CYB5A: variants seen among roughly 807,000 people sequenced by gnomAD.
CYB5A encodes the protein cytochrome b5.
Under a neutral mutation model 16.2 loss-of-function variants are expected in CYB5A, and 10 were observed. The observed-to-expected ratio is 0.62, with a 90% CI of 0.38 to 1.04. The LOEUF is 1.04. Ranked by LOEUF, CYB5A falls within the 50% of genes least tolerant of loss-of-function variation. The pLI is 0.01. For missense variants in CYB5A, 161 were observed against 165.9 expected, an observed-to-expected ratio of 0.97 and a Z score of 0.16; for synonymous variants, 62 against 57.0, an observed-to-expected ratio of 1.09 and a Z score of -0.40.
intron 1 of CYB5A, among the ~76,000 whole-genome samples, chr18:74,283,441 C>T (rs1160854059): frequency 1.3e-5 from 2 of 152,204 alleles, no homozygotes; most frequent in Non-Finnish European, 2.9e-5. Flanking sequence ...GAAGACTCCA[C>T]CCCGACTCCC....
At position 74,253,326 on chromosome 18, in the gene CYB5A, A is replaced by T. The variant is rs74443921; in HGVS notation, c.*258T>A. The T allele has an allele frequency of 1.3e-3, 522 of 395,198 alleles. 3 individuals carry two copies. The highest frequency in any genetic ancestry group is 9.7e-3 in the African/African-American group (471 of 48,424). The allele number at this position is 395,198 out of a possible 1,614,324, so 24.5% of individuals were successfully genotyped here. On this transcript the variant is annotated 3_prime_UTR_variant, in exon 5 of 5. Coordinates refer to ENST00000340533, the MANE Select transcript of CYB5A (RefSeq NM_148923.4). The stretch of plus-strand genomic sequence containing the variant: ...TAAAAGCCAAATATATTTTTAAAAG[A>T]TCATGCTTATAATAAGTAAATTACA...
In CYB5A at chr18:74,260,857, T is replaced by G. The variant is rs374762410; in HGVS notation, c.288+58A>C. On this transcript the variant is annotated intron_variant, in intron 3 of 4. Transcript: ENST00000340533. ...TAAATAAAAACCCTCTGCCTTCAGT[T>G]TGACAAGTATTAAATACAACGAGAA... The G allele has an allele frequency of 3.2e-4, 467 of 1,468,734 alleles. 1 individual carries two copies. Among genetic ancestry groups the G allele is most frequent in the Non-Finnish European group, 4.3e-4 (446 of 1,047,840 alleles). 91.0% of individuals were successfully genotyped at this position (1,468,734 alleles called of 1,614,324 possible). A position where few individuals can be genotyped will look rare whatever the true frequency, so the allele number is the denominator to read the frequency against.
chr18:74,260,722 C>T (rs200918657), intron 3 of CYB5A, 193 bp downstream of exon 3: 11 of 658,402 alleles, frequency 1.7e-5, no homozygotes, highest in South Asian at 4.5e-5. Context: ...ATTACACACA[C>T]GCCATCCTAA....
chr18:74,264,067 C>T (rs1454509819), intron 1 of CYB5A, among the ~76,000 whole-genome samples: 1 of 152,014 alleles, frequency 6.6e-6, no homozygotes, highest in Non-Finnish European at 1.5e-5. Flanking sequence ...AAAAATTAGC[C>T]AGCCGTGGTG....
At chr18:74,261,170 A>G (rs1982184459) in intron 2 of CYB5A, 1 of 500,508 alleles carries the variant, frequency 2.0e-6, no homozygotes, top group Non-Finnish European at 3.7e-6. Flanking sequence ...AAAGTTTCGA[A>G]CAGCACCCAT....
chr18:74,282,218 A>G (rs1983138735), intron 1 of CYB5A, among the ~76,000 whole-genome samples: 1 of 152,198 alleles, frequency 6.6e-6, no homozygotes, highest in African/African-American at 2.4e-5. Flanking sequence ...AGGCCTACAG[A>G]GTAAGAAGAG....
intron 1 of CYB5A, among the ~76,000 whole-genome samples, chr18:74,289,258 G>C (rs1202350107): frequency 6.6e-6 from 1 of 152,072 alleles, no homozygotes; most frequent in Non-Finnish European, 1.5e-5. Flanking sequence ...AGTTTTTCTC[G>C]GAAAATTTTT....
At chr18:74,291,602 G>A in intron 1 of CYB5A, 145 bp downstream of exon 1, 1 of 1,265,966 alleles carries the variant, frequency 7.9e-7, no homozygotes, top group Non-Finnish European at 1.1e-6. Context: ...AGCGCGCCCA[G>A]GCGTACACGC....
At chr18:74,254,037 C>T (rs72980420) in intron 4 of CYB5A, among the ~76,000 whole-genome samples, 22,228 of 152,060 alleles carry the variant, frequency 0.15, 1,707 homozygotes, top group Admixed American at 0.21. Flanking sequence ...AGTAGCTGGG[C>T]GTGGTGGCAG....
At chr18:74,257,429 G>C (rs933440495) in intron 3 of CYB5A, 1 of 155,882 alleles carries the variant, frequency 6.4e-6, no homozygotes, top group African/African-American at 2.4e-5. Context: ...TTACCACTTT[G>C]CACTTTGATG....
chr18:74,255,744 G>C lies in CYB5A; in HGVS notation c.320C>G (p.Ser107Cys). 1 of 1,612,526 alleles carries C rather than the reference G, an allele frequency of 6.2e-7. No individual in the cohort carries two copies. Among genetic ancestry groups the C allele is most frequent in the South Asian group, 1.1e-5 (1 of 91,020 alleles). ...TTAAAAGAAAGCTACCACATACCTG[G>C]AACTAGAATCAATAGTAGTGATAAG... ...ETLITTIDSS[S>C]SWWTNWVIPA... The change falls in exon 4 of 5, where the codon TCC becomes TGC. Residue 107 changes from serine to cysteine, a missense_variant. By Grantham distance (112) the Ser-to-Cys change is moderately radical (BLOSUM62 -1). Coordinates refer to ENST00000340533, the MANE Select transcript of CYB5A (RefSeq NM_148923.4).
intron 1 of CYB5A, among the ~76,000 whole-genome samples, chr18:74,275,381 T>C (rs556834667): frequency 6.6e-6 from 1 of 152,290 alleles, no homozygotes; most frequent in African/African-American, 2.4e-5. Flanking sequence ...CTCTGTGCCC[T>C]GTCTTCCTTC....
At position 74,253,078 on chromosome 18, in the gene CYB5A, TA is replaced by T. The variant is rs891218368; in HGVS notation, c.*505del. ...TTAAACTATAATTTCTGGCCTTTCT[TA>T]ATTTCCTTGAAAAAAAGAAACTATA... is the stretch of plus-strand genomic sequence containing the variant. On this transcript the variant is annotated 3_prime_UTR_variant, in exon 5 of 5. Transcript: ENST00000340533. The T allele has an allele frequency of 6.3e-6, 1 of 158,102 alleles. No homozygotes were observed. The highest frequency in any genetic ancestry group is 6.1e-5 in the Admixed American group (1 of 16,268). 9.8% of individuals were successfully genotyped at this position (158,102 alleles called of 1,614,324 possible). A position where few individuals can be genotyped will look rare whatever the true frequency, so the allele number is the denominator to read the frequency against.
chr18:74,278,043 T>A (rs1321527353), intron 1 of CYB5A, among the ~76,000 whole-genome samples: 1 of 152,226 alleles, frequency 6.6e-6, no homozygotes, highest in African/African-American at 2.4e-5. Flanking sequence ...GGGTAACATC[T>A]AATAAATGCT....
chr18:74,282,289 G>A (rs1388366048), intron 1 of CYB5A, among the ~76,000 whole-genome samples: 1 of 152,208 alleles, frequency 6.6e-6, no homozygotes, highest in African/African-American at 2.4e-5. Flanking sequence ...CACAGAGCAG[G>A]GACTTGTGTC....
At chr18:74,291,672 AAGAC>A in intron 1 of CYB5A, 71 bp downstream of exon 1, 1 of 1,606,316 alleles carries the variant, frequency 6.2e-7, no homozygotes, top group Non-Finnish European at 8.5e-7. Flanking sequence ...CGGGCCGCGA[AAGAC>A]AGGTCATGCC....
intron 1 of CYB5A, among the ~76,000 whole-genome samples, chr18:74,266,126 C>G (rs1982423529): frequency 2.6e-5 from 4 of 152,238 alleles, no homozygotes; most frequent in Non-Finnish European, 5.9e-5. Flanking sequence ...GTTAGATGTG[C>G]AGACAACAGA....
intron 1 of CYB5A, among the ~76,000 whole-genome samples, chr18:74,275,657 C>T (rs964893374): frequency 4.6e-5 from 7 of 152,202 alleles, no homozygotes; most frequent in Admixed American, 2.6e-4. Context: ...ATACACAGTC[C>T]GAGCCTCGAG....
intron 4 of CYB5A, 46 bp downstream of exon 4, chr18:74,255,695 T>G (rs1378620027): frequency 5.8e-6 from 9 of 1,546,476 alleles, no homozygotes; most frequent in South Asian, 1.1e-5. Context: ...CCTGGACCCA[T>G]GAGCCCTCCC....
Sources: gnomAD v4.1 joint callset for allele counts (sites outside exome capture counted in the v4.1 genomes callset) on GRCh38, gnomAD v4.1.1 for gene constraint, MANE v1.5 for transcripts, NCBI Gene and HGNC (gene_info 2026-07-23, HGNC 2026-07-21) for gene names.